L3MBTL4: variants seen among roughly 807,000 people sequenced by gnomAD.
The protein encoded by L3MBTL4 is L3MBTL histone methyl-lysine binding protein 4.
Under a neutral mutation model 84.5 loss-of-function variants are expected in L3MBTL4, and 70 were observed. The ratio of observed to expected loss-of-function variants is 0.83; its 90% CI spans 0.68 to 1.01. L3MBTL4 has a LOEUF of 1.01. Among genes scored for constraint, L3MBTL4 ranks in the 50% least tolerant of loss-of-function variants. The pLI is 0.00. For missense variants in L3MBTL4, 715 were observed against 754.8 expected, an observed-to-expected ratio of 0.95 and a Z score of 0.62; for synonymous variants, 274 against 259.8, an observed-to-expected ratio of 1.05 and a Z score of -0.52.
intron 12 of L3MBTL4, among the ~76,000 whole-genome samples, chr18:6,204,614 A>C (rs896468824): frequency 6.6e-6 from 1 of 152,244 alleles, no homozygotes; most frequent in African/African-American, 2.4e-5. Flanking sequence ...AGTAAATAAA[A>C]GCATTTGGTG....
At chr18:6,037,943 C>A (rs541581116) in intron 16 of L3MBTL4, among the ~76,000 whole-genome samples, 18 of 152,202 alleles carry the variant, frequency 1.2e-4, no homozygotes, top group African/African-American at 4.3e-4. Context: ...GTAATTGGCA[C>A]TGGGAAGAAA....
intron 10 of L3MBTL4, among the ~76,000 whole-genome samples, chr18:6,234,230 C>T (rs187073852): frequency 6.6e-6 from 1 of 152,166 alleles, no homozygotes; most frequent in Non-Finnish European, 1.5e-5. Flanking sequence ...AAAACCTAGG[C>T]AGTACCATTC....
At chr18:6,114,560 A>T (rs2059300302) in intron 14 of L3MBTL4, among the ~76,000 whole-genome samples, 1 of 152,222 alleles carries the variant, frequency 6.6e-6, no homozygotes, top group African/African-American at 2.4e-5. Context: ...AGTGCCTTGG[A>T]CACAGCAATA....
chr18:5,958,313 T>C (rs1391535328), intron 18 of L3MBTL4, among the ~76,000 whole-genome samples: 2 of 152,186 alleles, frequency 1.3e-5, no homozygotes, highest in African/African-American at 2.4e-5. Flanking sequence ...ATTTATGATA[T>C]ATTGTCTGAT....
chr18:6,154,125 C>T (rs1478674034), intron 13 of L3MBTL4, among the ~76,000 whole-genome samples: 5 of 152,048 alleles, frequency 3.3e-5, no homozygotes, highest in South Asian at 2.1e-4. Flanking sequence ...AGTAGGCACC[C>T]GTGTCTTGTT....
At chr18:6,003,413 T>C (rs992299629) in intron 16 of L3MBTL4, among the ~76,000 whole-genome samples, 6 of 151,700 alleles carry the variant, frequency 4.0e-5, no homozygotes, top group African/African-American at 1.5e-4. Context: ...GACACAAAAA[T>C]GAACATAACT....
At chr18:5,958,062 G>GA (rs2095238958) in intron 18 of L3MBTL4, among the ~76,000 whole-genome samples, 11 of 93,228 alleles carry the variant, frequency 1.2e-4, no homozygotes, top group African/African-American at 2.8e-4. Context: ...GAAGGAGAAG[G>GA]AGAAGAAGAA....
In L3MBTL4 at chr18:6,286,354, C is replaced by T. The variant is rs977559636; in HGVS notation, c.127+15549G>A. On this transcript the variant is annotated intron_variant, in intron 4 of 18. Transcript: ENST00000317931. ...TGGCATGCACCTGTAATCCCAGCTA[C>T]TCAGGAGGCTGAGGCGGAAGAATCG... Among the ~76,000 whole-genome samples, 34 of 151,766 alleles carry T rather than the reference C, an allele frequency of 2.2e-4. 1 individual carries two copies. The East Asian group carries it at 6.5e-3, about 29-fold the overall frequency.
At chr18:6,184,014 G>T (rs1321000477) in intron 12 of L3MBTL4, among the ~76,000 whole-genome samples, 1 of 152,068 alleles carries the variant, frequency 6.6e-6, no homozygotes, top group Non-Finnish European at 1.5e-5. Flanking sequence ...ATGATATAGT[G>T]CCTGCACAAT....
At chr18:6,042,655 G>A (rs1053337847) in intron 16 of L3MBTL4, among the ~76,000 whole-genome samples, 1 of 152,174 alleles carries the variant, frequency 6.6e-6, no homozygotes, top group East Asian at 1.9e-4. Context: ...GGAAACAGTG[G>A]CCTTTGCCTC....
intron 16 of L3MBTL4, among the ~76,000 whole-genome samples, chr18:5,983,102 C>G (rs964271820): frequency 1.3e-5 from 2 of 152,136 alleles, no homozygotes; most frequent in Admixed American, 6.5e-5. Flanking sequence ...GCTCACGTCA[C>G]GAGGAAACAC....
chr18:6,016,057 G>C, intron 16 of L3MBTL4, among the ~76,000 whole-genome samples: 1 of 152,214 alleles, frequency 6.6e-6, no homozygotes, highest in East Asian at 1.9e-4. Context: ...TGGATGGTCA[G>C]GGCAGGCCTC....
At chr18:6,136,689 C>T (rs2060038068) in intron 14 of L3MBTL4, among the ~76,000 whole-genome samples, 1 of 146,802 alleles carries the variant, frequency 6.8e-6, no homozygotes, top group South Asian at 2.1e-4. Context: ...GGGTATTTAA[C>T]CCCCCTAAAA....
intron 16 of L3MBTL4, among the ~76,000 whole-genome samples, chr18:6,021,048 G>C (rs2055226422): frequency 6.6e-6 from 1 of 152,218 alleles, no homozygotes; most frequent in Non-Finnish European, 1.5e-5. Flanking sequence ...GGAGAAAATT[G>C]AGTCTAGGAT....
In L3MBTL4 at chr18:6,315,637, A is replaced by T. The variant is rs935317477; in HGVS notation, c.-90-3581T>A. ...CTCTTTGAACACCATACTATGCTGT[A>T]GCTTTTTTAACTATATTGCAAGTTT... On this transcript the variant is annotated intron_variant, in intron 1 of 18. Transcript: ENST00000317931. Among the ~76,000 whole-genome samples the T allele has an allele frequency of 8.5e-4, 129 of 152,226 alleles. 2 individuals carry two copies. Among genetic ancestry groups the T allele is most frequent in the Non-Finnish European group, 1.6e-4 (11 of 68,042 alleles).
At chr18:6,266,438 T>TCTGGAAC (rs2048636545) in intron 4 of L3MBTL4, among the ~76,000 whole-genome samples, 1 of 152,226 alleles carries the variant, frequency 6.6e-6, no homozygotes, top group Non-Finnish European at 1.5e-5. Context: ...CATCTATCTT[T>TCTGGAAC]GCTGTGAATG....
chr18:6,104,166 G>T (rs911477706), intron 14 of L3MBTL4, among the ~76,000 whole-genome samples: 8 of 147,760 alleles, frequency 5.4e-5, no homozygotes, highest in African/African-American at 1.9e-4. Context: ...TTAGAAAACA[G>T]TATAGAGGTT....
At chr18:6,149,002 T>C (rs1040990352) in intron 13 of L3MBTL4, among the ~76,000 whole-genome samples, 11 of 152,144 alleles carry the variant, frequency 7.2e-5, no homozygotes, top group Non-Finnish European at 1.5e-4. Flanking sequence ...CTTATGAAAA[T>C]TGTCTCTCAA....
chr18:6,351,378 T>C (rs1298258723), intron 1 of L3MBTL4, among the ~76,000 whole-genome samples: 2 of 151,842 alleles, frequency 1.3e-5, no homozygotes, highest in Admixed American at 1.3e-4. Context: ...GCAATGGGGA[T>C]TGATTGTTTA....
Sources: gnomAD v4.1 joint callset for allele counts (sites outside exome capture counted in the v4.1 genomes callset) on GRCh38, gnomAD v4.1.1 for gene constraint, MANE v1.5 for transcripts, NCBI Gene and HGNC (gene_info 2026-07-23, HGNC 2026-07-21) for gene names.